The following CACNA2D1 variants were observed in gnomAD, a reference collection of about 807,000 sequenced individuals.
CACNA2D1 encodes the protein calcium voltage-gated channel auxiliary subunit alpha2delta 1, also known as voltage-dependent calcium channel subunit alpha-2/delta-1.
CACNA2D1 carries 53 observed loss-of-function variants against 171.5 expected under a neutral mutation model. The ratio of observed to expected loss-of-function variants is 0.31; its 90% CI spans 0.25 to 0.39. CACNA2D1 has a LOEUF of 0.39. Ranked by LOEUF, CACNA2D1 falls within the 10% of genes least tolerant of loss-of-function variation. The pLI, the probability that CACNA2D1 is intolerant of heterozygous loss-of-function variation, is 1.00. For missense variants in CACNA2D1, 903 were observed against 1,299.8 expected, an observed-to-expected ratio of 0.69 and a Z score of 4.69; for synonymous variants, 442 against 443.1, an observed-to-expected ratio of 1.00 and a Z score of 0.03.
At chr7:82,079,913 G>A (rs748331351) in intron 7 of CACNA2D1, among the ~76,000 whole-genome samples, 5 of 151,806 alleles carry the variant, frequency 3.3e-5, no homozygotes, top group African/African-American at 7.3e-5. Context: ...GTTAGGTGAG[G>A]CTTTGTTAAT....
chr7:82,189,939 T>C (rs550210055), intron 3 of CACNA2D1, among the ~76,000 whole-genome samples: 1 of 152,022 alleles, frequency 6.6e-6, no homozygotes, highest in East Asian at 1.9e-4. Context: ...ATAAATGAAA[T>C]GATAGGAGCC....
At chr7:82,442,091 C>A (rs977617299) in intron 1 of CACNA2D1, among the ~76,000 whole-genome samples, 1 of 152,172 alleles carries the variant, frequency 6.6e-6, no homozygotes, top group African/African-American at 2.4e-5. Flanking sequence ...AACTCAATGA[C>A]AACAAAAATT....
intron 12 of CACNA2D1, among the ~76,000 whole-genome samples, chr7:82,018,895 G>A (rs970600797): frequency 6.3e-5 from 9 of 143,836 alleles, no homozygotes; most frequent in African/African-American, 2.0e-4. Flanking sequence ...TGAGGCAGGA[G>A]AATCGCTTGA....
chr7:82,137,337 T>G (rs566847607), intron 4 of CACNA2D1, among the ~76,000 whole-genome samples: 1 of 152,236 alleles, frequency 6.6e-6, no homozygotes, highest in Non-Finnish European at 1.5e-5. Flanking sequence ...ACAAACTATG[T>G]TAGAAAGGAA....
At chr7:82,349,068 G>T (rs897760767) in intron 2 of CACNA2D1, among the ~76,000 whole-genome samples, 1 of 152,014 alleles carries the variant, frequency 6.6e-6, no homozygotes, top group Non-Finnish European at 1.5e-5. Flanking sequence ...TCCTTATCTT[G>T]CACCAGAACC....
rs37125 is a variant in CACNA2D1, at chr7:82,006,093, A to G, written c.1441-254T>C. On this transcript the variant is annotated intron_variant, in intron 16 of 38. Transcript: ENST00000356860. ...TAAAATATATAAAGGATAAATAAAA[A>G]TGTTTGACACTTCTTGTACCCTTTT... Among the ~76,000 whole-genome samples, 3,283 of 152,070 alleles carry G rather than the reference A, an allele frequency of 0.022. 120 individuals are homozygous for G. Among genetic ancestry groups the G allele is most frequent in the African/African-American group, 0.074 (3,063 of 41,502 alleles).
intron 25 of CACNA2D1, among the ~76,000 whole-genome samples, 160 bp downstream of exon 25, chr7:81,974,295 G>C: frequency 6.6e-6 from 1 of 151,864 alleles, no homozygotes; most frequent in East Asian, 1.9e-4. Context: ...TCTTTAGTTT[G>C]CAAAATTAAG....
At chr7:82,411,326 A>C (rs2129455040) in intron 1 of CACNA2D1, among the ~76,000 whole-genome samples, 1 of 152,334 alleles carries the variant, frequency 6.6e-6, no homozygotes, top group South Asian at 2.1e-4. Context: ...ATAGTCCAGA[A>C]CAGGTGATTT....
chr7:82,003,486 A>G (rs1371624468), intron 18 of CACNA2D1, among the ~76,000 whole-genome samples: 3 of 151,684 alleles, frequency 2.0e-5, no homozygotes, highest in Non-Finnish European at 4.4e-5. Flanking sequence ...TTCTACATAA[A>G]TACTGGTTAT....
chr7:82,072,275 C>T (rs1013823273), intron 7 of CACNA2D1, among the ~76,000 whole-genome samples: 23 of 151,924 alleles, frequency 1.5e-4, no homozygotes, highest in African/African-American at 5.6e-4. Context: ...GTGATGAATA[C>T]CCCACTCACC....
At chr7:82,415,079 C>G (rs985428172) in intron 1 of CACNA2D1, among the ~76,000 whole-genome samples, 5 of 152,156 alleles carry the variant, frequency 3.3e-5, no homozygotes, top group African/African-American at 4.8e-5. Context: ...ATCTGTCTGA[C>G]AAGAATTATC....
At chr7:82,098,105 G>A (rs1022999210) in intron 6 of CACNA2D1, among the ~76,000 whole-genome samples, 2 of 152,040 alleles carry the variant, frequency 1.3e-5, no homozygotes, top group African/African-American at 4.8e-5. Context: ...TCTCCAGCCT[G>A]GGTGACAGAG....
At chr7:82,110,376 G>T (rs2129046971) in intron 6 of CACNA2D1, among the ~76,000 whole-genome samples, 2 of 152,266 alleles carry the variant, frequency 1.3e-5, no homozygotes, top group South Asian at 4.1e-4. Flanking sequence ...TGCTAGTGCA[G>T]AAGAGGTCAT....
intron 18 of CACNA2D1, among the ~76,000 whole-genome samples, chr7:82,002,374 C>A (rs1798702702): frequency 6.6e-6 from 1 of 152,184 alleles, no homozygotes; most frequent in African/African-American, 2.4e-5. Context: ...GTCTTCAGAA[C>A]TGTGAGTTAC....
At chr7:82,255,790 T>C (rs578206400) in intron 3 of CACNA2D1, among the ~76,000 whole-genome samples, 3 of 152,330 alleles carry the variant, frequency 2.0e-5, no homozygotes, top group African/African-American at 7.2e-5. Flanking sequence ...ATGTCCCTTC[T>C]TTCCTTGTTT....
rs184097016 is a variant in CACNA2D1 at position 82,246,457 on chromosome 7, T to C, written c.295-75848A>G. The stretch of plus-strand genomic sequence containing the variant: ...AACATCTAAGAAACATCATAGAACA[T>C]TTTTGGAAGTGCATGAGAAGCATTT... On this transcript the variant is annotated intron_variant, in intron 3 of 38. Coordinates refer to ENST00000356860, the MANE Select transcript of CACNA2D1 (RefSeq NM_000722.4). Among the ~76,000 whole-genome samples, 669 of 152,188 alleles carry C rather than the reference T, an allele frequency of 4.4e-3. 4 individuals carry two copies. The highest frequency in any genetic ancestry group is 0.01 in the Middle Eastern group (3 of 294).
intron 12 of CACNA2D1, chr7:82,029,641 G>A (rs1802402156): frequency 6.6e-6 from 1 of 151,726 alleles, no homozygotes; most frequent in Non-Finnish European, 1.5e-5. Flanking sequence ...TGTAAGAGAG[G>A]TCATGCCAAA....
chr7:81,980,065 T>C (rs1796283866), intron 24 of CACNA2D1, among the ~76,000 whole-genome samples: 1 of 144,216 alleles, frequency 6.9e-6, no homozygotes, highest in African/African-American at 2.6e-5. Flanking sequence ...TTGAGGAATT[T>C]TTAAGTTGGG....
At chr7:82,157,616 GTCAT>G (rs1794499535) in intron 4 of CACNA2D1, among the ~76,000 whole-genome samples, 1 of 151,956 alleles carries the variant, frequency 6.6e-6, no homozygotes, top group Non-Finnish European at 1.5e-5. Flanking sequence ...TCTTTGTCAG[GTCAT>G]TCCATTCCCT....
Sources: gnomAD v4.1 joint callset for allele counts (sites outside exome capture counted in the v4.1 genomes callset) on GRCh38, gnomAD v4.1.1 for gene constraint, MANE v1.5 for transcripts, NCBI Gene and HGNC (gene_info 2026-07-23, HGNC 2026-07-21) for gene names.